Variants in PTPRN2 observed in about 807,000 individuals in gnomAD.
PTPRN2 encodes the protein receptor-type tyrosine-protein phosphatase N2.
A neutral mutation model predicts 118.8 loss-of-function variants in PTPRN2; 74 were observed. The observed-to-expected ratio is 0.62, with a 90% CI of 0.52 to 0.76. The LOEUF (loss-of-function observed/expected upper bound fraction) is 0.76. Among genes scored for constraint, PTPRN2 ranks in the 30% least tolerant of loss-of-function variants. The pLI is 0.00. For missense variants in PTPRN2, 1,481 were observed against 1,394.4 expected (o/e 1.06, Z -0.99); for synonymous variants, 641 against 608.0 (o/e 1.05, Z -0.80).
intron 12 of PTPRN2, among the ~76,000 whole-genome samples, chr7:157,838,357 T>C (rs1216217943): frequency 6.7e-6 from 1 of 148,558 alleles, no homozygotes; most frequent in Non-Finnish European, 1.5e-5. Context: ...TCGTAGTGGA[T>C]GGCATGGGAG....
intron 1 of PTPRN2, among the ~76,000 whole-genome samples, chr7:158,495,399 T>C (rs1308924574): frequency 6.6e-6 from 1 of 152,188 alleles, no homozygotes; most frequent in Admixed American, 6.5e-5. Flanking sequence ...CCACCTCCTC[T>C]GCAGCAAACA....
chr7:158,026,347 TG>T (rs897312427), intron 11 of PTPRN2, among the ~76,000 whole-genome samples: 1 of 151,990 alleles, frequency 6.6e-6, no homozygotes, highest in Non-Finnish European at 1.5e-5. Flanking sequence ...CTGGGCTCGC[TG>T]GGGGGGACCA....
At chr7:158,098,362 G>A (rs528121316) in intron 10 of PTPRN2, among the ~76,000 whole-genome samples, 2 of 152,354 alleles carry the variant, frequency 1.3e-5, no homozygotes, top group East Asian at 3.9e-4. Flanking sequence ...TCCGAGGGAC[G>A]GGCGGCGGGA....
chr7:158,574,187 C>A lies in PTPRN2; in HGVS notation c.112+13371G>T, dbSNP rs983864279. On this transcript the variant is annotated intron_variant, in intron 1 of 22. Transcript: ENST00000389418. The surrounding 1 kb of genome is among the most constrained non-coding windows in gnomAD (Gnocchi z 4.6). The stretch of plus-strand genomic sequence containing the variant: ...ACTGTTCTCAGCATATATTGTGCAT[C>A]GAGACAGCAAATAACCATAGATTGA... Among the ~76,000 whole-genome samples, 2 of 152,072 alleles carry A rather than the reference C, an allele frequency of 1.3e-5. No homozygotes were observed. Among genetic ancestry groups the A allele is most frequent in the African/African-American group, 2.4e-5 (1 of 41,378 alleles).
chr7:158,301,898 C>T (rs999655742), intron 3 of PTPRN2, among the ~76,000 whole-genome samples: 2 of 151,952 alleles, frequency 1.3e-5, no homozygotes, highest in Admixed American at 6.6e-5. Context: ...TGCAGTAAGC[C>T]GAGATTGTGC....
chr7:158,057,900 C>T (rs569137245), intron 11 of PTPRN2, among the ~76,000 whole-genome samples: 110 of 152,306 alleles, frequency 7.2e-4, no homozygotes, highest in Non-Finnish European at 1.3e-3. Flanking sequence ...CTCAGGTCTA[C>T]GAATACGACA....
intron 5 of PTPRN2, among the ~76,000 whole-genome samples, chr7:158,191,720 C>T (rs1825780300): frequency 6.6e-6 from 1 of 152,148 alleles, no homozygotes; most frequent in Non-Finnish European, 1.5e-5. Context: ...TCCCACTCGC[C>T]CTGCATAAAC....
chr7:157,772,937 G>A (rs1245693268), intron 12 of PTPRN2, among the ~76,000 whole-genome samples: 1 of 152,182 alleles, frequency 6.6e-6, no homozygotes, highest in Non-Finnish European at 1.5e-5. Context: ...CAGGCTGCAT[G>A]CCGACTCCGG....
chr7:158,315,461 C>T (rs1205897631), intron 3 of PTPRN2, among the ~76,000 whole-genome samples: 1 of 146,604 alleles, frequency 6.8e-6, no homozygotes. Flanking sequence ...GAGGTGAACC[C>T]AGGACTCCCT....
intron 2 of PTPRN2, among the ~76,000 whole-genome samples, chr7:158,451,321 G>A (rs1818083463): frequency 6.6e-6 from 1 of 152,022 alleles, no homozygotes; most frequent in Admixed American, 6.6e-5. Flanking sequence ...TCTCTTTACG[G>A]TGTCTTTTTT....
At chr7:157,969,507 G>A (rs889645795) in intron 11 of PTPRN2, among the ~76,000 whole-genome samples, 3 of 152,142 alleles carry the variant, frequency 2.0e-5, no homozygotes, top group African/African-American at 7.2e-5. Flanking sequence ...GGCATGAGTG[G>A]GGAGCTGGGA....
chr7:158,559,231 C>A (rs186545977), intron 1 of PTPRN2, among the ~76,000 whole-genome samples: 45 of 152,296 alleles, frequency 3.0e-4, no homozygotes, highest in Non-Finnish European at 1.5e-4. Context: ...ATTTCTATTG[C>A]TCTCATTACA....
At chr7:158,346,530 T>A (rs1363914033) in intron 2 of PTPRN2, among the ~76,000 whole-genome samples, 1 of 152,200 alleles carries the variant, frequency 6.6e-6, no homozygotes, top group African/African-American at 2.4e-5. Flanking sequence ...CGATGGACAT[T>A]TAGGTTGATT....
At chr7:157,873,803 C>G (rs912385893) in intron 12 of PTPRN2, among the ~76,000 whole-genome samples, 2 of 152,124 alleles carry the variant, frequency 1.3e-5, no homozygotes, top group Non-Finnish European at 2.9e-5. Context: ...CGGCATCACA[C>G]TGGGGGCACA....
At chr7:158,280,176 T>C (rs1226717313) in intron 3 of PTPRN2, among the ~76,000 whole-genome samples, 1 of 152,232 alleles carries the variant, frequency 6.6e-6, no homozygotes, top group Non-Finnish European at 1.5e-5. Flanking sequence ...GTCCCTTCCA[T>C]ATCTGGAACA....
intron 11 of PTPRN2, among the ~76,000 whole-genome samples, chr7:157,962,060 AG>A (rs1156558035): frequency 2.6e-5 from 4 of 152,236 alleles, no homozygotes; most frequent in African/African-American, 9.6e-5. Context: ...CAAGCGGCGC[AG>A]TCCCTACTCT....
chr7:157,950,373 C>T (rs577456146), intron 11 of PTPRN2, among the ~76,000 whole-genome samples: 4 of 151,778 alleles, frequency 2.6e-5, no homozygotes, highest in Non-Finnish European at 5.9e-5. Context: ...TGTTCAGATG[C>T]ATAATGGGTT....
intron 1 of PTPRN2, among the ~76,000 whole-genome samples, chr7:158,575,226 A>T (rs1430947556): frequency 6.6e-6 from 1 of 152,188 alleles, no homozygotes; most frequent in Non-Finnish European, 1.5e-5. Flanking sequence ...AATCTGGGAC[A>T]TTCTTTTTTT....
intron 11 of PTPRN2, among the ~76,000 whole-genome samples, chr7:157,913,801 C>T (rs192920431): frequency 2.5e-4 from 38 of 152,134 alleles, no homozygotes; most frequent in African/African-American, 8.9e-4. Flanking sequence ...ATTGTCATTC[C>T]CTGTACTGTA....
Sources: gnomAD v4.1 joint callset for allele counts (sites outside exome capture counted in the v4.1 genomes callset) on GRCh38, gnomAD v4.1.1 for gene constraint, Gnocchi (gnomAD v3.1) non-coding constraint, MANE v1.5 for transcripts, NCBI Gene and HGNC (gene_info 2026-07-23, HGNC 2026-07-21) for gene names.